The following ADAMTSL1 variants were observed in gnomAD, a reference collection of about 807,000 sequenced individuals.
ADAMTSL1 encodes ADAMTS like 1.
A neutral mutation model predicts 201.8 loss-of-function variants in ADAMTSL1; 126 were observed. The ratio of observed to expected loss-of-function variants is 0.62; its 90% CI spans 0.54 to 0.72. ADAMTSL1 has a LOEUF of 0.72. ADAMTSL1 is among the 30% of genes least tolerant of loss of function. The pLI is 0.00. For missense variants in ADAMTSL1, 2,679 were observed against 2,277.8 expected (o/e 1.18, Z -3.59); for synonymous variants, 1,121 against 903.4 (o/e 1.24, Z -4.32).
At chr9:18,712,649 A>G (rs1832685766) in intron 14 of ADAMTSL1, among the ~76,000 whole-genome samples, 1 of 150,318 alleles carries the variant, frequency 6.7e-6, no homozygotes, top group Non-Finnish European at 1.5e-5. Context: ...TGACGGGGAG[A>G]ATGGAACCAA....
At chr9:18,237,731 A>G (rs1830904086) in intron 2 of ADAMTSL1, among the ~76,000 whole-genome samples, 1 of 152,250 alleles carries the variant, frequency 6.6e-6, no homozygotes, top group Admixed American at 6.5e-5. Context: ...AAGATTCTGT[A>G]ACCTCATTAA....
chr9:18,130,667 G>C (rs1359616668), intron 1 of ADAMTSL1, among the ~76,000 whole-genome samples: 3 of 152,120 alleles, frequency 2.0e-5, no homozygotes, highest in African/African-American at 7.2e-5. Flanking sequence ...CAAGTATTTG[G>C]AGCATTTTAG....
chr9:18,529,071 C>A (rs768474265), intron 2 of ADAMTSL1, among the ~76,000 whole-genome samples: 2 of 152,282 alleles, frequency 1.3e-5, no homozygotes, highest in African/African-American at 4.8e-5. Flanking sequence ...TCACACTTGG[C>A]AGGAATTAAA....
chr9:18,193,204 A>G (rs1164832964), intron 2 of ADAMTSL1, among the ~76,000 whole-genome samples: 1 of 152,192 alleles, frequency 6.6e-6, no homozygotes, highest in Non-Finnish European at 1.5e-5. Flanking sequence ...CAAACTCAAG[A>G]ATCACTACAG....
chr9:18,415,011 C>G (rs367866151), intron 2 of ADAMTSL1, among the ~76,000 whole-genome samples: 1 of 152,206 alleles, frequency 6.6e-6, no homozygotes, highest in Non-Finnish European at 1.5e-5. Context: ...AATCTAAATA[C>G]AACTCTGGCC....
At chr9:17,912,692 T>C (rs79203704) in intron 1 of ADAMTSL1, among the ~76,000 whole-genome samples, 1 of 58,574 alleles carries the variant, frequency 1.7e-5, no homozygotes, top group African/African-American at 3.3e-5. Context: ...TTAGTTTAAT[T>C]AGATCCCATT....
At position 18,719,144 on chromosome 9, in the gene ADAMTSL1, C is replaced by T. The variant is rs113210120; in HGVS notation, c.1877-2392C>T. 5.4e-3 allele frequency among the ~76,000 whole-genome samples: 818 copies of T among 152,180 alleles called. 5 individuals carry two copies. Among genetic ancestry groups the T allele is most frequent in the African/African-American group, 0.017 (708 of 41,516 alleles). ...TTCAAATGGCTCATCCCATCTACAA[C>T]CAAGAGAACACCCTGCAGTCAGCAT... is the stretch of plus-strand genomic sequence containing the variant. On this transcript the variant is annotated intron_variant, in intron 14 of 28. Transcript: ENST00000380548.
chr9:18,139,773 C>T (rs1826319687), intron 1 of ADAMTSL1, among the ~76,000 whole-genome samples: 1 of 152,142 alleles, frequency 6.6e-6, no homozygotes, highest in African/African-American at 2.4e-5. Flanking sequence ...TATTGGTCCA[C>T]TTAAGCTTGA....
At chr9:18,161,973 A>G in intron 1 of ADAMTSL1, among the ~76,000 whole-genome samples, 1 of 152,032 alleles carries the variant, frequency 6.6e-6, no homozygotes, top group East Asian at 1.9e-4. Context: ...CAGTGACTGT[A>G]TTAGTTTTCT....
chr9:18,294,247 CT>C (rs1223875371), intron 2 of ADAMTSL1, among the ~76,000 whole-genome samples: 1 of 152,180 alleles, frequency 6.6e-6, no homozygotes, highest in African/African-American at 2.4e-5. Context: ...GAGTGGGATG[CT>C]TTAGCAGGAG....
chr9:18,325,397 A>T (rs1295399655), intron 2 of ADAMTSL1, among the ~76,000 whole-genome samples: 1 of 152,264 alleles, frequency 6.6e-6, no homozygotes, highest in Non-Finnish European at 1.5e-5. Context: ...ACCACACAGT[A>T]TGACTTAGCA....
chr9:18,887,799 A>G (rs778750096), intron 23 of ADAMTSL1, 32 bp from the exon 24 acceptor site: 21 of 1,583,738 alleles, frequency 1.3e-5, no homozygotes, highest in Admixed American at 1.7e-5. Flanking sequence ...TTATGGCTTT[A>G]CTAAGGCTTA....
chr9:18,082,529 A>G (rs1823549363), intron 1 of ADAMTSL1, among the ~76,000 whole-genome samples: 1 of 152,130 alleles, frequency 6.6e-6, no homozygotes, highest in African/African-American at 2.4e-5. Context: ...CAGGTTAGTC[A>G]TGACATTTTC....
At chr9:18,009,557 A>G (rs1020378592) in intron 1 of ADAMTSL1, among the ~76,000 whole-genome samples, 1 of 152,024 alleles carries the variant, frequency 6.6e-6, no homozygotes, top group African/African-American at 2.4e-5. Flanking sequence ...AACTTAGCAT[A>G]ATTTTGGATA....
intron 1 of ADAMTSL1, among the ~76,000 whole-genome samples, chr9:18,128,803 G>A (rs982637627): frequency 4.6e-5 from 7 of 151,956 alleles, no homozygotes; most frequent in African/African-American, 1.7e-4. Context: ...TAGGTATTTA[G>A]GCTAAAGCAC....
chr9:18,809,517 T>C (rs1823372870), intron 20 of ADAMTSL1, among the ~76,000 whole-genome samples: 1 of 152,166 alleles, frequency 6.6e-6, no homozygotes, highest in African/African-American at 2.4e-5. Flanking sequence ...AGGCCGGGCA[T>C]GGTGGCTCAC....
chr9:18,165,570 A>G (rs906146042), intron 2 of ADAMTSL1, among the ~76,000 whole-genome samples: 5 of 151,904 alleles, frequency 3.3e-5, no homozygotes, highest in Admixed American at 1.3e-4. Flanking sequence ...TAGCTTACTC[A>G]TAGTAATTAA....
chr9:18,647,132 G>C (rs1040444133), intron 7 of ADAMTSL1, among the ~76,000 whole-genome samples: 3 of 72,564 alleles, frequency 4.1e-5, no homozygotes, highest in Non-Finnish European at 8.3e-5. Context: ...TGTATGTGTC[G>C]AGGAATTTAC....
chr9:18,499,866 C>T (rs1378833519), intron 1 of ADAMTSL1, among the ~76,000 whole-genome samples: 1 of 151,884 alleles, frequency 6.6e-6, no homozygotes, highest in African/African-American at 2.4e-5. Flanking sequence ...AACTATCAAG[C>T]ATTTCCTCAG....
Sources: allele counts gnomAD v4.1 joint callset (sites outside exome capture counted in the v4.1 genomes callset), GRCh38; gene constraint gnomAD v4.1.1; transcripts MANE v1.5; gene names NCBI Gene and HGNC (gene_info 2026-07-23, HGNC 2026-07-21).